The following EXOC5 variants were observed in gnomAD, a reference collection of about 807,000 sequenced individuals.
EXOC5 encodes the protein SEC10-like 1.
EXOC5 carries 17 observed loss-of-function variants against 90.8 expected under a neutral mutation model. That is an observed-to-expected ratio of 0.19 (90% confidence interval 0.13 to 0.28). The LOEUF (loss-of-function observed/expected upper bound fraction) is 0.28, where lower values mean the gene tolerates loss of function less well. Ranked by LOEUF, EXOC5 falls within the 10% of genes least tolerant of loss-of-function variation. The pLI, the probability that EXOC5 is intolerant of heterozygous loss-of-function variation, is 1.00. For synonymous variants in EXOC5, 260 were observed against 270.0 expected, an observed-to-expected ratio of 0.96 and a Z score of 0.36; for missense variants, 569 against 830.6, an observed-to-expected ratio of 0.69 and a Z score of 3.87.
Position 57,247,260 on chromosome 14 carries a change from T to C in EXOC5, c.122+358A>G, listed in dbSNP as rs73290146. Among the ~76,000 whole-genome samples the C allele has an allele frequency of 9.0e-3, 1,365 of 152,274 alleles. 23 individuals carry two copies. Among genetic ancestry groups the C allele is most frequent in the African/African-American group, 0.031 (1,286 of 41,570 alleles). On this transcript the variant is annotated intron_variant, in intron 2 of 17. Transcript: ENST00000621441. Reference sequence around the variant, plus strand: ...CAAATGTACTATATAAAAATAATAATATACATTCCAGAGTTCAGTGACTTT... The same window carrying C: ...CAAATGTACTATATAAAAATAATAACATACATTCCAGAGTTCAGTGACTTT...
At chr14:57,267,318 A>C (rs1365011605) in intron 1 of EXOC5, among the ~76,000 whole-genome samples, 1 of 152,222 alleles carries the variant, frequency 6.6e-6, no homozygotes, top group Non-Finnish European at 1.5e-5. Context: ...TTACTGTCTT[A>C]TTACAACTTA....
intron 7 of EXOC5, among the ~76,000 whole-genome samples, chr14:57,234,900 A>G (rs1470108852): frequency 6.6e-6 from 1 of 152,092 alleles, no homozygotes; most frequent in Non-Finnish European, 1.5e-5. Context: ...AAGAATCTGG[A>G]CAGTTGTATT....
rs550755123 is a variant in EXOC5, at chr14:57,203,118, GTTAT to G, written c.*5487_*5490del. The G allele has an allele frequency of 6.6e-3, 1,003 of 152,202 alleles. 13 individuals carry two copies. The highest frequency in any genetic ancestry group is 0.023 in the African/African-American group (946 of 41,528). The allele number at this position is 152,202 out of a possible 1,614,324, so 9.4% of individuals were successfully genotyped here. ...TATTTTCTATAGCAAAAACCTAAAG[GTTAT>G]TTATTTTTCTAAAAACAGGGACTCA... is the stretch of plus-strand genomic sequence containing the variant. On this transcript the variant is annotated 3_prime_UTR_variant, in exon 18 of 18. Transcript: ENST00000621441.
chr14:57,250,908 G>A (rs187536821), intron 1 of EXOC5, among the ~76,000 whole-genome samples: 5 of 152,282 alleles, frequency 3.3e-5, no homozygotes, highest in African/African-American at 9.6e-5. Flanking sequence ...TTTGCAGACC[G>A]TACAGTCTCT....
At chr14:57,244,751 C>T (rs1883983877) in intron 3 of EXOC5, among the ~76,000 whole-genome samples, 1 of 152,042 alleles carries the variant, frequency 6.6e-6, no homozygotes. Context: ...AAAAATATGT[C>T]AGTAGGAGGC....
intron 13 of EXOC5, among the ~76,000 whole-genome samples, chr14:57,220,068 CTAAAAG>C (rs1883081613): frequency 1.3e-5 from 2 of 151,902 alleles, no homozygotes; most frequent in South Asian, 2.1e-4. Context: ...ATGTTTCTAG[CTAAAAG>C]TAAAAGACTT....
At chr14:57,217,802 A>G (rs1883017177) in intron 15 of EXOC5, among the ~76,000 whole-genome samples, 180 bp downstream of exon 15, 1 of 152,190 alleles carries the variant, frequency 6.6e-6, no homozygotes, top group South Asian at 2.1e-4. Flanking sequence ...AAAAAACTTC[A>G]GGATCCAATA....
chr14:57,219,591 GAGGAAAA>G, intron 13 of EXOC5, 149 bp from the exon 14 acceptor site: 2 of 653,860 alleles, frequency 3.1e-6, no homozygotes, highest in Non-Finnish European at 5.1e-6. Flanking sequence ...GTGGACAGAA[GAGGAAAA>G]TCAAGCTTAA....
At chr14:57,268,372 T>G in intron 1 of EXOC5, 2 of 1,038,538 alleles carry the variant, frequency 1.9e-6, no homozygotes, top group East Asian at 5.6e-5. Flanking sequence ...AAAGCAACCC[T>G]CCTCCCTTGG....
intron 15 of EXOC5, among the ~76,000 whole-genome samples, chr14:57,211,314 A>T (rs1882818614): frequency 1.3e-5 from 2 of 152,220 alleles, no homozygotes; most frequent in Admixed American, 6.5e-5. Context: ...ATGTTAAAAA[A>T]TTCTTTTGAT....
intron 7 of EXOC5, among the ~76,000 whole-genome samples, chr14:57,235,447 T>G (rs1226197723): frequency 1.3e-5 from 2 of 152,038 alleles, no homozygotes; most frequent in East Asian, 3.9e-4. Flanking sequence ...ATTTTCTTTA[T>G]CAAAGTATAA....
In EXOC5 at chr14:57,219,452, G is replaced by A; in HGVS notation, c.1406-10C>T. On this transcript the variant is annotated splice_polypyrimidine_tract_variant and intron_variant, in intron 13 of 17. Coordinates refer to ENST00000621441, the MANE Select transcript of EXOC5 (RefSeq NM_006544.4). Reference sequence around the variant, plus strand: ...TCTGAAGAGGGAATTCCTAAAACCAGAAAGCATACATATGTTAGAATCATC... The same window carrying A: ...TCTGAAGAGGGAATTCCTAAAACCAAAAAGCATACATATGTTAGAATCATC... The A allele has an allele frequency of 6.4e-7, 1 of 1,566,324 alleles. No homozygotes were observed. The highest frequency in any genetic ancestry group is 8.6e-7 in the Non-Finnish European group (1 of 1,157,948).
At chr14:57,225,246 T>C (rs1475315736) in intron 12 of EXOC5, among the ~76,000 whole-genome samples, 2 of 152,184 alleles carry the variant, frequency 1.3e-5, no homozygotes, top group South Asian at 2.1e-4. Flanking sequence ...TAATTTACCA[T>C]ATTAACAGAA....
intron 5 of EXOC5, among the ~76,000 whole-genome samples, chr14:57,237,844 T>C (rs1436542822): frequency 1.3e-5 from 2 of 152,032 alleles, no homozygotes; most frequent in Non-Finnish European, 2.9e-5. Context: ...AAAAAGATGA[T>C]CAAATAATAT....
intron 6 of EXOC5, among the ~76,000 whole-genome samples, chr14:57,236,291 T>C (rs1343942031): frequency 1.3e-5 from 2 of 150,344 alleles, no homozygotes; most frequent in Non-Finnish European, 3.0e-5. Context: ...CATTTTCTTT[T>C]TTTTTTTTTT....
chr14:57,244,370 T>G lies in EXOC5; in HGVS notation c.271-11A>C. 2 of 1,599,260 alleles carry G rather than the reference T, an allele frequency of 1.3e-6. No individual in the cohort carries two copies. The highest frequency in any genetic ancestry group is 1.7e-6 in the Non-Finnish European group (2 of 1,167,144). On this transcript the variant is annotated splice_polypyrimidine_tract_variant and intron_variant, in intron 3 of 17. Coordinates refer to ENST00000621441, the MANE Select transcript of EXOC5 (RefSeq NM_006544.4). ...ATGTTGGAAGGCAACCTAGGAAAAA[T>G]GTGCATAAGCATAAAATACAATCAG...
At chr14:57,211,829 A>C (rs910367265) in intron 15 of EXOC5, 1 of 152,144 alleles carries the variant, frequency 6.6e-6, no homozygotes, top group African/African-American at 2.4e-5. Flanking sequence ...CTGAGATGGC[A>C]TCACTGCACT....
intron 17 of EXOC5, 140 bp downstream of exon 17, chr14:57,209,427 G>A: frequency 2.2e-6 from 1 of 450,206 alleles, no homozygotes; most frequent in Non-Finnish European, 4.0e-6. Flanking sequence ...ACTGTTTCAG[G>A]TAGAATGTGA....
At chr14:57,262,373 A>C (rs1884526986) in intron 1 of EXOC5, among the ~76,000 whole-genome samples, 1 of 152,032 alleles carries the variant, frequency 6.6e-6, no homozygotes, top group African/African-American at 2.4e-5. Flanking sequence ...CAGAGCTGAG[A>C]GATGTCTTCC....
Sources: allele counts gnomAD v4.1 joint callset (sites outside exome capture counted in the v4.1 genomes callset), GRCh38; gene constraint gnomAD v4.1.1; transcripts MANE v1.5; gene names NCBI Gene and HGNC (gene_info 2026-07-23, HGNC 2026-07-21).